Variants in SLC2A9 observed in about 807,000 individuals in gnomAD.
The protein encoded by SLC2A9 is solute carrier family 2, facilitated glucose transporter member 9.
In SLC2A9, 39 loss-of-function variants were observed where a neutral mutation model predicts 50.6. That is an observed-to-expected ratio of 0.77 (90% CI 0.60 to 1.01). The LOEUF is 1.01. Ranked by LOEUF, SLC2A9 falls within the 50% of genes least tolerant of loss-of-function variation. The pLI, the probability that SLC2A9 is intolerant of heterozygous loss-of-function variation, is 0.00. For synonymous variants in SLC2A9, 324 were observed against 276.9 expected (o/e 1.17, Z -1.69); for missense variants, 686 against 677.6 (o/e 1.01, Z -0.14).
intron 10 of SLC2A9, among the ~76,000 whole-genome samples, chr4:9,881,009 A>C (rs769060471): frequency 2.6e-5 from 4 of 152,214 alleles, no homozygotes; most frequent in Admixed American, 6.5e-5. Flanking sequence ...AGACGCTCTG[A>C]GATTTGCTTC....
chr4:10,031,976 C>A (rs1159677763), intron 1 of SLC2A9, among the ~76,000 whole-genome samples: 1 of 152,164 alleles, frequency 6.6e-6, no homozygotes, highest in Admixed American at 6.5e-5. Context: ...AAGGAGGCAG[C>A]GTGTTTGTTT....
At chr4:9,808,395 C>T (rs545679664) in intron 3 of SLC2A9, among the ~76,000 whole-genome samples, 12 of 152,280 alleles carry the variant, frequency 7.9e-5, no homozygotes, top group South Asian at 2.1e-4. Context: ...ACTCTGCCTG[C>T]GTCGGCCACA....
At chr4:9,953,306 C>T (rs1226073119) in intron 5 of SLC2A9, among the ~76,000 whole-genome samples, 2 of 152,222 alleles carry the variant, frequency 1.3e-5, no homozygotes, top group Non-Finnish European at 2.9e-5. Flanking sequence ...TGGGCAGTGA[C>T]GAGAGGTCCC....
rs2276963 is a variant in SLC2A9 at position 10,021,215 on chromosome 4, G to A, written c.150+65C>T. The A allele has an allele frequency of 0.068, 106,165 of 1,553,604 alleles. 8,868 individuals are homozygous for A. The highest frequency in any genetic ancestry group is 0.47 in the East Asian group (20,730 of 44,534). ...AGGCTGGGGCTGAGCACTGTCACAC[G>A]GCTGCCACCCAGGCCTGCCTTCCCC... On this transcript the variant is annotated intron_variant, in intron 1 of 11. Coordinates refer to ENST00000264784, the MANE Select transcript of SLC2A9 (RefSeq NM_020041.3).
At chr4:9,960,254 G>T (rs1333761239) in intron 5 of SLC2A9, among the ~76,000 whole-genome samples, 3 of 152,216 alleles carry the variant, frequency 2.0e-5, no homozygotes, top group Non-Finnish European at 4.4e-5. Flanking sequence ...CGCTAAAACT[G>T]CACAGACTGG....
chr4:9,965,124 A>G (rs1412382076), intron 5 of SLC2A9, among the ~76,000 whole-genome samples: 1 of 152,212 alleles, frequency 6.6e-6, no homozygotes, highest in Non-Finnish European at 1.5e-5. Context: ...CCCACGAAAG[A>G]GGTCCCATTA....
At chr4:9,901,436 G>T (rs1412329224) in intron 8 of SLC2A9, among the ~76,000 whole-genome samples, 1 of 152,034 alleles carries the variant, frequency 6.6e-6, no homozygotes, top group Non-Finnish European at 1.5e-5. Context: ...AGGGAAAACC[G>T]GCCTCTCTCC....
chr4:9,938,413 A>T (rs548062824), intron 6 of SLC2A9, among the ~76,000 whole-genome samples: 2 of 151,994 alleles, frequency 1.3e-5, no homozygotes, highest in Admixed American at 1.3e-4. Context: ...CTGGGACTAC[A>T]GGCGCCTGCC....
At chr4:9,809,306 C>A (rs1560138909) in intron 3 of SLC2A9, among the ~76,000 whole-genome samples, 1 of 152,126 alleles carries the variant, frequency 6.6e-6, no homozygotes, top group African/African-American at 2.4e-5. Flanking sequence ...AGCCCAGCTG[C>A]GTTGGTTGCT....
intron 8 of SLC2A9, among the ~76,000 whole-genome samples, chr4:9,895,631 C>A (rs1435013075): frequency 6.6e-6 from 1 of 152,198 alleles, no homozygotes; most frequent in African/African-American, 2.4e-5. Flanking sequence ...GGGCTGGGAC[C>A]TCTGGTGAAA....
intron 10 of SLC2A9, among the ~76,000 whole-genome samples, chr4:9,876,862 T>C (rs1480890167): frequency 1.3e-5 from 2 of 152,206 alleles, no homozygotes; most frequent in South Asian, 2.1e-4. Context: ...TTTAGAGACA[T>C]TGATGTGTCC....
chr4:9,957,503 A>G (rs770058127), intron 5 of SLC2A9, among the ~76,000 whole-genome samples: 30 of 152,234 alleles, frequency 2.0e-4, no homozygotes, highest in Admixed American at 2.0e-4. Flanking sequence ...AGAAACCAAC[A>G]GAAAGATAAA....
intron 10 of SLC2A9, among the ~76,000 whole-genome samples, chr4:9,874,866 C>T (rs1297067888): frequency 6.6e-6 from 1 of 152,110 alleles, no homozygotes; most frequent in Non-Finnish European, 1.5e-5. Flanking sequence ...ATGTGGGACG[C>T]TGTGTCTTTA....
In SLC2A9 at chr4:9,996,774, T is replaced by C. The variant is rs1398777460; in HGVS notation, c.410+7A>G. ...GCACCCCCAGATAGAGACAGCCTCCTACTGACCTCCCAAGAACCTTTCCAA... is the reference window on the plus strand; with the variant it reads ...GCACCCCCAGATAGAGACAGCCTCCCACTGACCTCCCAAGAACCTTTCCAA... On this transcript the variant is annotated splice_region_variant and intron_variant, in intron 3 of 11. Transcript: ENST00000264784. 3.1e-6 allele frequency: 5 copies of C among 1,613,250 alleles called. No individual in the cohort carries two copies. Among genetic ancestry groups the C allele is most frequent in the Non-Finnish European group, 4.2e-6 (5 of 1,179,514 alleles).
intron 6 of SLC2A9, among the ~76,000 whole-genome samples, chr4:9,920,869 C>T (rs1032463858): frequency 2.0e-5 from 3 of 152,210 alleles, no homozygotes; most frequent in African/African-American, 4.8e-5. Flanking sequence ...AGTTCAAACC[C>T]GTCTATAACA....
intron 5 of SLC2A9, 139 bp downstream of exon 5, chr4:9,980,453 A>T: frequency 8.8e-7 from 1 of 1,138,672 alleles, no homozygotes; most frequent in Non-Finnish European, 1.3e-6. Flanking sequence ...GAACTCCACA[A>T]CTTTTCTCCA....
chr4:9,912,086 A>G (rs1244924616), intron 7 of SLC2A9, among the ~76,000 whole-genome samples: 1 of 152,198 alleles, frequency 6.6e-6, no homozygotes, highest in Non-Finnish European at 1.5e-5. Context: ...TGGGAATTGA[A>G]CAATAAGAAC....
chr4:9,771,385 G>A (rs1560263048), intron 1 of SLC2A9: 1 of 397,492 alleles, frequency 2.5e-6, no homozygotes, highest in Non-Finnish European at 4.4e-6. Flanking sequence ...GAAGGAGAGA[G>A]GGTGTAGAGT....
At chr4:9,798,107 T>C (rs1451617560), downstream of SLC2A9, among the ~76,000 whole-genome samples, 1 of 152,150 alleles carries the variant, frequency 6.6e-6, no homozygotes, top group Non-Finnish European at 1.5e-5. Flanking sequence ...TTTGGAGGGA[T>C]TTTAGTCAGG....
Sources: gnomAD v4.1 joint callset for allele counts (sites outside exome capture counted in the v4.1 genomes callset) on GRCh38, gnomAD v4.1.1 for gene constraint, MANE v1.5 for transcripts, NCBI Gene and HGNC (gene_info 2026-07-23, HGNC 2026-07-21) for gene names.